Variants in SORCS2 observed in about 807,000 individuals in gnomAD.
SORCS2 encodes sortilin related VPS10 domain containing receptor 2.
A neutral mutation model predicts 141.6 loss-of-function variants in SORCS2; 100 were observed. The ratio of observed to expected loss-of-function variants is 0.71; its 90% CI spans 0.60 to 0.83. The LOEUF is 0.83. Among genes scored for constraint, SORCS2 ranks in the 40% least tolerant of loss-of-function variants. SORCS2 has a pLI of 0.00. For missense variants in SORCS2, 1,646 were observed against 1,560.2 expected, an observed-to-expected ratio of 1.05 and a Z score of -0.93; for synonymous variants, 789 against 676.9, an observed-to-expected ratio of 1.17 and a Z score of -2.57.
chr4:7,316,850 A>G (rs1340804795), intron 1 of SORCS2, among the ~76,000 whole-genome samples: 1 of 152,206 alleles, frequency 6.6e-6, no homozygotes, highest in African/African-American at 2.4e-5. Context: ...CTGAGGAAGA[A>G]GTGAGACCCC....
rs1441389247 is a variant in SORCS2 at position 7,706,368 on chromosome 4, GCTGGGCTCTGT to G, written c.1868+2091_1868+2101del. On this transcript the variant is annotated intron_variant, in intron 14 of 26. Transcript: ENST00000507866. Reference sequence around the variant, plus strand: ...TGGGCTCCGTCTGGGCAGGGATGAGGCTGGGCTCTGTCTGGGCAGGGATGAGGCTGGGCTCT... The same window carrying G: ...TGGGCTCCGTCTGGGCAGGGATGAGGCTGGGCAGGGATGAGGCTGGGCTCT... Among the ~76,000 whole-genome samples, 36 of 148,370 alleles carry G rather than the reference GCTGGGCTCTGT, an allele frequency of 2.4e-4. 2 individuals are homozygous for G. The highest frequency in any genetic ancestry group is 9.0e-4 in the African/African-American group (35 of 38,966).
intron 21 of SORCS2, 149 bp downstream of exon 21, chr4:7,727,052 C>G (rs1048897172): frequency 2.2e-5 from 24 of 1,087,808 alleles, no homozygotes; most frequent in Non-Finnish European, 2.8e-5. Context: ...AAACAGAGCC[C>G]TGCCCTGGCT....
chr4:7,409,800 T>C (rs1215433267), intron 2 of SORCS2, among the ~76,000 whole-genome samples: 28 of 152,358 alleles, frequency 1.8e-4, no homozygotes. Flanking sequence ...CACATTTGCA[T>C]TCTGAAATAT....
chr4:7,716,599 C>T (rs1490047511), intron 17 of SORCS2, among the ~76,000 whole-genome samples: 1 of 151,070 alleles, frequency 6.6e-6, no homozygotes, highest in Non-Finnish European at 1.5e-5. Context: ...CCCATCAATT[C>T]ATCCACTATC....
chr4:7,730,529 C>G (rs113093422), intron 23 of SORCS2, among the ~76,000 whole-genome samples: 4 of 152,328 alleles, frequency 2.6e-5, no homozygotes, highest in African/African-American at 9.6e-5. Flanking sequence ...GTGGTCCAAC[C>G]TTACAATGGA....
chr4:7,722,431 C>T (rs1726654281), intron 18 of SORCS2, among the ~76,000 whole-genome samples: 3 of 152,158 alleles, frequency 2.0e-5, no homozygotes, highest in South Asian at 4.1e-4. Context: ...TCCTAGGGAC[C>T]CCATAACAAA....
intron 2 of SORCS2, among the ~76,000 whole-genome samples, chr4:7,438,856 T>C (rs1232164187): frequency 6.6e-6 from 1 of 152,104 alleles, no homozygotes; most frequent in Non-Finnish European, 1.5e-5. Context: ...CCCACACATG[T>C]ATATATTTGC....
chr4:7,592,121 A>G (rs7668394), intron 3 of SORCS2, among the ~76,000 whole-genome samples: 2,054 of 152,210 alleles, frequency 0.013, 51 homozygotes, highest in African/African-American at 0.047. Context: ...ATACGCTTCG[A>G]GTTTGGCTCT....
intron 3 of SORCS2, among the ~76,000 whole-genome samples, chr4:7,545,798 G>A (rs905444438): frequency 6.6e-6 from 1 of 152,204 alleles, no homozygotes; most frequent in Admixed American, 6.5e-5. Context: ...GAAAACCAGA[G>A]TGCACGCTCT....
At chr4:7,469,980 C>G (rs568786589) in intron 2 of SORCS2, among the ~76,000 whole-genome samples, 1 of 152,228 alleles carries the variant, frequency 6.6e-6, no homozygotes, top group African/African-American at 2.4e-5. Context: ...AGAGTGGAGG[C>G]CAGAGGCCAC....
At chr4:7,722,208 C>T (rs1476640823) in intron 18 of SORCS2, among the ~76,000 whole-genome samples, 2 of 152,170 alleles carry the variant, frequency 1.3e-5, no homozygotes, top group Non-Finnish European at 2.9e-5. Flanking sequence ...GTCACACATG[C>T]CTTCTCCTTC....
rs1413865428 is a variant in SORCS2, at chr4:7,627,153, T to G, written c.649-11175T>G. Reference sequence around the variant, plus strand: ...CGTGCGTGCCACCAAGCCCGGCTAATTTTTCTATACTTGGAGAGACAGGGT... The same window carrying G: ...CGTGCGTGCCACCAAGCCCGGCTAAGTTTTCTATACTTGGAGAGACAGGGT... On this transcript the variant is annotated intron_variant, in intron 3 of 26. Transcript: ENST00000507866. 2.0e-5 allele frequency among the ~76,000 whole-genome samples: 3 copies of G among 152,054 alleles called. No individual in the cohort carries two copies. In the East Asian group the frequency reaches 5.8e-4, roughly 29 times the overall value.
rs36084098 is a variant in SORCS2 at position 7,250,731 on chromosome 4, G to A, written c.480+57605G>A. Among the ~76,000 whole-genome samples the A allele has an allele frequency of 7.4e-3, 1,128 of 152,392 alleles. 11 individuals carry two copies. Among genetic ancestry groups the A allele is most frequent in the African/African-American group, 0.026 (1,074 of 41,600 alleles). ...AGAGGCGAGGCCGAGGAACAGCTGG[G>A]CAGGCAGCGCTTTTGCGGCTGCAGT... is the stretch of plus-strand genomic sequence containing the variant. On this transcript the variant is annotated intron_variant, in intron 1 of 26. Coordinates refer to ENST00000507866, the MANE Select transcript of SORCS2 (RefSeq NM_020777.3).
At chr4:7,702,277 C>T (rs901093700) in intron 12 of SORCS2, among the ~76,000 whole-genome samples, 6 of 152,114 alleles carry the variant, frequency 3.9e-5, no homozygotes, top group African/African-American at 1.4e-4. Context: ...CGAGGAGGGG[C>T]GGTATGGGGC....
chr4:7,383,264 G>C (rs1283192964), intron 1 of SORCS2, among the ~76,000 whole-genome samples: 1 of 152,122 alleles, frequency 6.6e-6, no homozygotes, highest in African/African-American at 2.4e-5. Context: ...TGAGGGGTAG[G>C]CCTTTAGAGG....
chr4:7,254,079 T>C (rs768815562), intron 1 of SORCS2, among the ~76,000 whole-genome samples: 2 of 152,196 alleles, frequency 1.3e-5, no homozygotes, highest in Non-Finnish European at 2.9e-5. Flanking sequence ...TTGGTGGGAA[T>C]GTAAATTAGT....
intron 2 of SORCS2, among the ~76,000 whole-genome samples, chr4:7,464,355 C>A (rs73212548): frequency 0.28 from 43,078 of 151,986 alleles, 6,878 homozygotes; most frequent in East Asian, 0.62. Context: ...AAAAAGAATG[C>A]ACTCTAGGAG....
chr4:7,696,001 T>G, intron 11 of SORCS2, among the ~76,000 whole-genome samples: 2 of 151,476 alleles, frequency 1.3e-5, no homozygotes, highest in East Asian at 1.9e-4. Context: ...GGTGGGTGAG[T>G]GGGTAGATGG....
At chr4:7,307,492 G>T (rs1470627659) in intron 1 of SORCS2, among the ~76,000 whole-genome samples, 1 of 152,334 alleles carries the variant, frequency 6.6e-6, no homozygotes, top group Non-Finnish European at 1.5e-5. Flanking sequence ...GAGAGGAGGA[G>T]CAAATGCCTG....
Sources: gnomAD v4.1 joint callset for allele counts (sites outside exome capture counted in the v4.1 genomes callset) on GRCh38, gnomAD v4.1.1 for gene constraint, MANE v1.5 for transcripts, NCBI Gene and HGNC (gene_info 2026-07-23, HGNC 2026-07-21) for gene names.